Variants in C3orf20 observed in about 807,000 individuals in gnomAD.
C3orf20 encodes the protein uncharacterized protein C3orf20.
A neutral mutation model predicts 88.3 loss-of-function variants in C3orf20; 76 were observed. That is an observed-to-expected ratio of 0.86 (90% CI 0.72 to 1.04). The LOEUF (loss-of-function observed/expected upper bound fraction) is 1.04. C3orf20 is among the 50% of genes least tolerant of loss of function. C3orf20 has a pLI of 0.00. For synonymous variants in C3orf20, 436 were observed against 437.4 expected, an observed-to-expected ratio of 1.00 and a Z score of 0.04; for missense variants, 1,056 against 1,123.3, an observed-to-expected ratio of 0.94 and a Z score of 0.86.
intron 15 of C3orf20, among the ~76,000 whole-genome samples, chr3:14,771,441 C>T (rs776066817): frequency 1.3e-5 from 2 of 152,396 alleles, no homozygotes; most frequent in African/African-American, 2.4e-5. Context: ...GGCAGGGCCA[C>T]GCTCTTCCAG....
At chr3:14,746,907 C>A (rs1387561421) in intron 12 of C3orf20, among the ~76,000 whole-genome samples, 6 of 152,186 alleles carry the variant, frequency 3.9e-5, no homozygotes, top group Non-Finnish European at 7.3e-5. Context: ...AAATAACCAG[C>A]AACAGTATCC....
intron 1 of C3orf20, among the ~76,000 whole-genome samples, chr3:14,675,801 C>T (rs1467192637): frequency 1.3e-5 from 2 of 152,136 alleles, no homozygotes; most frequent in African/African-American, 2.4e-5. Flanking sequence ...AGTGATTCTC[C>T]TGCCTCAGCC....
At position 14,704,606 on chromosome 3, in the gene C3orf20, C is replaced by G; in HGVS notation, c.1148C>G (p.Ser383Cys). The change falls in exon 7 of 17, where the codon TCC becomes TGC. Residue 383 changes from serine to cysteine, a missense_variant. Coordinates refer to ENST00000253697, the MANE Select transcript of C3orf20 (RefSeq NM_032137.5). ...FKFHYTFYDG[S>C]SFVYYPSGNV... Reference sequence around the variant, plus strand: ...TTTCATTACACCTTCTATGATGGCTCCTCCTTCGTTTAGTATCCTTTTATT... The same window carrying G: ...TTTCATTACACCTTCTATGATGGCTGCTCCTTCGTTTAGTATCCTTTTATT... 3.1e-6 allele frequency: 5 copies of G among 1,613,616 alleles called. No homozygotes were observed. Among genetic ancestry groups the G allele is most frequent in the Non-Finnish European group, 4.2e-6 (5 of 1,180,000 alleles).
chr3:14,735,869 A>G (rs1415514638), intron 12 of C3orf20, among the ~76,000 whole-genome samples: 1 of 152,198 alleles, frequency 6.6e-6, no homozygotes, highest in Admixed American at 6.5e-5. Flanking sequence ...TGCTGGGATT[A>G]CAGACGTGAG....
At chr3:14,707,808 C>T (rs2033578403) in intron 7 of C3orf20, among the ~76,000 whole-genome samples, 1 of 112,030 alleles carries the variant, frequency 8.9e-6, no homozygotes, top group Non-Finnish European at 1.8e-5. Context: ...ACATTTACCC[C>T]TGTGTTTTCC....
intron 4 of C3orf20, among the ~76,000 whole-genome samples, chr3:14,685,489 C>CGTGTGTGT (rs1216087893): frequency 1.6e-5 from 2 of 126,526 alleles, no homozygotes; most frequent in African/African-American, 6.4e-5. Context: ...TCTGTGCGTG[C>CGTGTGTGT]GTGCGTGTGT....
chr3:14,749,899 A>G (rs185194985), intron 12 of C3orf20, among the ~76,000 whole-genome samples: 5 of 151,802 alleles, frequency 3.3e-5, no homozygotes, highest in African/African-American at 1.2e-4. Flanking sequence ...TCTCTACTTT[A>G]TGTTGACATT....
chr3:14,714,454 G>T (rs980158131), intron 8 of C3orf20, among the ~76,000 whole-genome samples: 4 of 152,204 alleles, frequency 2.6e-5, no homozygotes, highest in Non-Finnish European at 5.9e-5. Context: ...ATTAATGGAA[G>T]AATTATTTAG....
At chr3:14,739,177 C>G (rs965844902) in intron 12 of C3orf20, among the ~76,000 whole-genome samples, 5 of 152,182 alleles carry the variant, frequency 3.3e-5, no homozygotes, top group African/African-American at 1.2e-4. Flanking sequence ...AGAGGAATCA[C>G]TACCTACAGC....
Position 14,772,635 on chromosome 3 carries a change from C to T in C3orf20, c.2631-156C>T, listed in dbSNP as rs371254995. On this transcript the variant is annotated intron_variant, in intron 16 of 16. Coordinates refer to ENST00000253697, the MANE Select transcript of C3orf20 (RefSeq NM_032137.5). This position sits in a 1 kb window ranked among gnomAD's most constrained non-coding sequence, Gnocchi z 4.2. ...CAAAATTAGGAGCATGTAGAAAGGT[C>T]GCAGGTGCCACCGGGGCCCTCTGGT... 2.4e-4 allele frequency among the ~76,000 whole-genome samples: 37 copies of T among 152,334 alleles called. No homozygotes were observed. The highest frequency in any genetic ancestry group is 2.3e-3 in the South Asian group (11 of 4,828).
rs145416310 is a variant in C3orf20 at position 14,687,191 on chromosome 3, T to A, written c.626-2806T>A. Among the ~76,000 whole-genome samples the A allele has an allele frequency of 5.8e-3, 879 of 152,330 alleles. 2 individuals are homozygous for A. The highest frequency in any genetic ancestry group is 0.02 in the African/African-American group (827 of 41,572). ...AGGGCCTTATGTTTTATTGCCATGA[T>A]ACAATCATTCAGGAAGAAAGAAACC... On this transcript the variant is annotated intron_variant, in intron 4 of 16. Transcript: ENST00000253697.
chr3:14,739,312 CAGAA>C, intron 12 of C3orf20, among the ~76,000 whole-genome samples: 1 of 152,170 alleles, frequency 6.6e-6, no homozygotes, highest in Non-Finnish European at 1.5e-5. Context: ...ACATCTCCAT[CAGAA>C]CTCTAGGGTG....
At chr3:14,687,753 GCATTCT>G (rs2032505754) in intron 4 of C3orf20, among the ~76,000 whole-genome samples, 1 of 152,166 alleles carries the variant, frequency 6.6e-6, no homozygotes, top group South Asian at 2.1e-4. Flanking sequence ...AAGTGTTTCA[GCATTCT>G]TTCAGGATGA....
At chr3:14,678,592 C>T (rs74339032) in intron 1 of C3orf20, among the ~76,000 whole-genome samples, 1,606 of 152,334 alleles carry the variant, frequency 0.011, 13 homozygotes, top group South Asian at 0.041. Context: ...GGTGCTGCGT[C>T]CATGGTCATC....
intron 12 of C3orf20, among the ~76,000 whole-genome samples, 170 bp from the exon 13 acceptor site, chr3:14,757,201 C>A (rs1481432699): frequency 6.6e-6 from 1 of 152,172 alleles, no homozygotes; most frequent in Non-Finnish European, 1.5e-5. Flanking sequence ...TGGAAAGAGG[C>A]CCAGAGAGGT....
At chr3:14,692,126 T>C (rs1035091007) in intron 5 of C3orf20, among the ~76,000 whole-genome samples, 2 of 152,226 alleles carry the variant, frequency 1.3e-5, no homozygotes, top group African/African-American at 4.8e-5. Flanking sequence ...TACCACACTT[T>C]CTTCATCCAT....
intron 12 of C3orf20, among the ~76,000 whole-genome samples, chr3:14,752,939 A>G (rs1219044778): frequency 3.3e-5 from 5 of 152,208 alleles, no homozygotes; most frequent in Admixed American, 1.3e-4. Context: ...GCAATTCCTT[A>G]AGGATCTAGA....
intron 12 of C3orf20, among the ~76,000 whole-genome samples, chr3:14,750,169 C>T (rs1186129126): frequency 6.6e-6 from 1 of 152,158 alleles, no homozygotes; most frequent in African/African-American, 2.4e-5. Context: ...TGCAGGCCTA[C>T]CAGGAACAAA....
chr3:14,716,632 A>G (rs73137412), intron 9 of C3orf20, among the ~76,000 whole-genome samples: 5,136 of 152,148 alleles, frequency 0.034, 121 homozygotes, highest in African/African-American at 0.068. Context: ...TGCCAGTGCA[A>G]ATGTCCTCCC....
Sources: allele counts gnomAD v4.1 joint callset (sites outside exome capture counted in the v4.1 genomes callset), GRCh38; gene constraint gnomAD v4.1.1; non-coding constraint Gnocchi (gnomAD v3.1); transcripts MANE v1.5; gene names NCBI Gene and HGNC (gene_info 2026-07-23, HGNC 2026-07-21).